The following FBN2 variants were observed in gnomAD, a reference collection of about 807,000 sequenced individuals.
FBN2 encodes the protein fibrillin 2.
Under a neutral mutation model 355.6 loss-of-function variants are expected in FBN2, and 105 were observed. That is an observed-to-expected ratio of 0.30 (90% CI 0.25 to 0.35). The LOEUF (loss-of-function observed/expected upper bound fraction) is 0.35. FBN2 is among the 10% of genes least tolerant of loss of function. The pLI is 1.00. For synonymous variants in FBN2, 1,350 were observed against 1,301.2 expected (o/e 1.04, Z -0.81); for missense variants, 3,280 against 3,758.7 (o/e 0.87, Z 3.33).
At chr5:128,535,121 A>T (rs1466273812) in intron 2 of FBN2, among the ~76,000 whole-genome samples, 1 of 152,252 alleles carries the variant, frequency 6.6e-6, no homozygotes, top group Non-Finnish European at 1.5e-5. Flanking sequence ...AAAATAAAGC[A>T]AAGGCTTATT....
chr5:128,394,936 C>T (rs1370036243), intron 9 of FBN2, among the ~76,000 whole-genome samples, 186 bp downstream of exon 9: 3 of 152,150 alleles, frequency 2.0e-5, no homozygotes, highest in African/African-American at 7.2e-5. Context: ...CAGGCATGCA[C>T]CACCATGCCC....
intron 6 of FBN2, 27 bp downstream of exon 6, chr5:128,464,697 G>A (rs751098454): frequency 6.2e-7 from 1 of 1,609,042 alleles, no homozygotes; most frequent in Non-Finnish European, 8.5e-7. Context: ...GTCTGCGATG[G>A]TGTGCACAGG....
intron 4 of FBN2, among the ~76,000 whole-genome samples, chr5:128,523,011 C>T (rs1756476793): frequency 6.6e-6 from 1 of 152,146 alleles, no homozygotes; most frequent in Non-Finnish European, 1.5e-5. Flanking sequence ...TGGTTGCATA[C>T]TGTAAAAGCT....
At position 128,361,741 on chromosome 5, in the gene FBN2, C is replaced by G; in HGVS notation, c.2536G>C (p.Glu846Gln). ...CTCTTACCTTCACAGGTCTCTGTCT[C>G]AGTCCTGAACACATACCCTGGTGGG... ...TCPPGYVFRT[E>Q]TETCEDINEC... The change falls in exon 19 of 65, where the codon GAG becomes CAG. Residue 846 changes from glutamate (E) to glutamine (Q), a missense_variant. Around this residue, in one of 6 missense-constraint regions of FBN2, gnomAD observed 2,284 missense variants for 2,749.5 expected, o/e 0.83. Coordinates refer to ENST00000262464, the MANE Select transcript of FBN2 (RefSeq NM_001999.4). The G allele has an allele frequency of 6.2e-7, 1 of 1,614,168 alleles. No individual in the cohort carries two copies. Among genetic ancestry groups the G allele is most frequent in the Non-Finnish European group, 8.5e-7 (1 of 1,179,998 alleles).
intron 36 of FBN2, among the ~76,000 whole-genome samples, chr5:128,317,806 G>A (rs1400546871): frequency 6.6e-6 from 1 of 152,102 alleles, no homozygotes; most frequent in African/African-American, 2.4e-5. Flanking sequence ...CTTCCAGTAG[G>A]CAGGAGAAAT....
intron 2 of FBN2, among the ~76,000 whole-genome samples, chr5:128,534,809 C>G (rs1447726872): frequency 6.6e-6 from 1 of 152,188 alleles, no homozygotes; most frequent in African/African-American, 2.4e-5. Flanking sequence ...TCTGACTTTA[C>G]AGATTTTCAA....
intron 25 of FBN2, among the ~76,000 whole-genome samples, chr5:128,341,874 T>C (rs1354799337): frequency 6.6e-6 from 1 of 152,184 alleles, no homozygotes; most frequent in African/African-American, 2.4e-5. Context: ...AAATAGCCAG[T>C]TTAATGAAAG....
chr5:128,278,025 A>G lies in FBN2; in HGVS notation c.7346-20T>C, dbSNP rs1159946042. On this transcript the variant is annotated intron_variant, in intron 57 of 64. Coordinates refer to ENST00000262464, the MANE Select transcript of FBN2 (RefSeq NM_001999.4). ...CAATATCTGTGGACCAAAACAACAA[A>G]AACAATCAGGAGTTAACATATATGC... 6.2e-7 allele frequency: 1 copy of G among 1,613,664 alleles called. No individual in the cohort carries two copies. Among genetic ancestry groups the G allele is most frequent in the Middle Eastern group, 1.7e-4 (1 of 6,060 alleles).
intron 55 of FBN2, among the ~76,000 whole-genome samples, chr5:128,281,444 T>G (rs1765542480): frequency 6.6e-6 from 1 of 152,224 alleles, no homozygotes; most frequent in African/African-American, 2.4e-5. Flanking sequence ...AGTATCTGTT[T>G]TGAAAGCTCT....
At chr5:128,344,850 G>A (rs1262511802) in intron 24 of FBN2, among the ~76,000 whole-genome samples, 1 of 152,092 alleles carries the variant, frequency 6.6e-6, no homozygotes, top group Non-Finnish European at 1.5e-5. Flanking sequence ...ACAGGCGCGA[G>A]CCACCACGCC....
chr5:128,522,605 G>A (rs1756459434), intron 4 of FBN2, among the ~76,000 whole-genome samples: 1 of 152,148 alleles, frequency 6.6e-6, no homozygotes, highest in African/African-American at 2.4e-5. Flanking sequence ...GACGTCTGCA[G>A]CAGCCGAAGT....
chr5:128,537,616 A>T lies in FBN2; in HGVS notation c.-13T>A, dbSNP rs769014052. 1.9e-6 allele frequency: 3 copies of T among 1,605,764 alleles called. No individual in the cohort carries two copies. Among genetic ancestry groups the T allele is most frequent in the Non-Finnish European group, 2.5e-6 (3 of 1,177,812 alleles). On this transcript the variant is annotated 5_prime_UTR_variant, in exon 1 of 65. Transcript: ENST00000262464. ...GTCTTCTCCCCATCGCCGGCGCCGA[A>T]AGCGCGCGGCCGTAGACCCGCGGAG... is the stretch of plus-strand genomic sequence containing the variant.
intron 7 of FBN2, among the ~76,000 whole-genome samples, chr5:128,417,810 T>G (rs994381731): frequency 6.6e-6 from 1 of 152,140 alleles, no homozygotes; most frequent in East Asian, 1.9e-4. Flanking sequence ...CTGTAGTTCT[T>G]TTTTGTTGTT....
At chr5:128,363,303 G>A (rs907073203) in intron 18 of FBN2, among the ~76,000 whole-genome samples, 6 of 152,004 alleles carry the variant, frequency 3.9e-5, no homozygotes, top group African/African-American at 1.5e-4. Context: ...CGATTCTCCT[G>A]CTTCAGCCTC....
At position 128,408,773 on chromosome 5, in the gene FBN2, C is replaced by T; in HGVS notation, c.979G>A (p.Gly327Arg). 6.2e-7 allele frequency: 1 copy of T among 1,613,934 alleles called. No individual in the cohort carries two copies. Among genetic ancestry groups the T allele is most frequent in the Non-Finnish European group, 8.5e-7 (1 of 1,179,896 alleles). ...EDIDECSIIP[G>R]ICETGECSNT... ...GAACATTCACCAGTTTCACATATCC[C>T]AGGAATGATGCTGCACTCATCAATG... The change falls in exon 8 of 65, where the codon GGG becomes AGG. Residue 327 changes from glycine (G) to arginine (R), a missense_variant. By Grantham distance (125) the Gly-to-Arg change is moderately radical. Transcript: ENST00000262464.
intron 60 of FBN2, 42 bp downstream of exon 60, chr5:128,274,525 A>T: frequency 1.9e-6 from 2 of 1,027,726 alleles, no homozygotes; most frequent in Non-Finnish European, 3.1e-6. Context: ...TTATGCATCT[A>T]CTAGAAGTTT....
Position 128,532,919 on chromosome 5 carries a change from A to T in FBN2, c.338-2226T>A, listed in dbSNP as rs138565747. ...GCCTTGCACATTGGCATGTGCCCAT[A>T]GTCCCAGCTACTCAGGAGGCTGAGG... On this transcript the variant is annotated intron_variant, in intron 2 of 64. Transcript: ENST00000262464. 2.7e-3 allele frequency among the ~76,000 whole-genome samples: 404 copies of T among 152,300 alleles called. 3 individuals are homozygous for T. Among genetic ancestry groups the T allele is most frequent in the African/African-American group, 8.9e-3 (371 of 41,568 alleles).
chr5:128,404,256 T>G (rs931468203), intron 8 of FBN2, among the ~76,000 whole-genome samples: 1 of 152,256 alleles, frequency 6.6e-6, no homozygotes, highest in Non-Finnish European at 1.5e-5. Context: ...AGATTAATTT[T>G]TTCTCATGTA....
intron 42 of FBN2, among the ~76,000 whole-genome samples, chr5:128,306,425 G>A (rs555085014): frequency 6.6e-6 from 1 of 152,214 alleles, no homozygotes; most frequent in South Asian, 2.1e-4. Flanking sequence ...TTCTAGACCA[G>A]CCTGACCAAC....
Sources: gnomAD v4.1 joint callset for allele counts (sites outside exome capture counted in the v4.1 genomes callset) on GRCh38, gnomAD v4.1.1 for gene constraint, gnomAD v4.1.1 regional missense constraint, MANE v1.5 for transcripts, NCBI Gene and HGNC (gene_info 2026-07-23, HGNC 2026-07-21) for gene names.